The following LOC400499 variants were observed in gnomAD, a reference collection of about 807,000 sequenced individuals.
At chr16:11,386,838 ATCTGGAGGGCTGCCG>A in the LOC400499 span, among the ~76,000 whole-genome samples, 5 of 152,198 alleles carry the variant, frequency 3.3e-5, no homozygotes, top group Non-Finnish European at 7.3e-5. Context: ...TTCCAGCTGG[ATCTGGAGGGCTGCCG>A]TCTTCTCCAG....
At chr16:11,462,027 G>T in the LOC400499 span, 1 of 1,141,974 alleles carries the variant, frequency 8.8e-7, no homozygotes, top group Non-Finnish European at 1.2e-6. Context: ...AAGAGAAGCT[G>T]CAGTGATGAG....
At chr16:11,446,584 G>A in the LOC400499 span, 59 of 1,536,118 alleles carry the variant, frequency 3.8e-5, no homozygotes, top group South Asian at 2.6e-4. Context: ...GCACCCCTCT[G>A]TGTTCCTGGG....
At chr16:11,424,416 G>A in the LOC400499 span, 1 of 399,030 alleles carries the variant, frequency 2.5e-6, no homozygotes, top group African/African-American at 2.1e-5. Flanking sequence ...ACCGCATTTA[G>A]TCAGGATGGG....
At chr16:11,488,230 T>C in the LOC400499 span, among the ~76,000 whole-genome samples, 6 of 152,154 alleles carry the variant, frequency 3.9e-5, no homozygotes, top group African/African-American at 1.4e-4. Flanking sequence ...ATGGTAGTGA[T>C]AGACAATTTC....
the LOC400499 span, among the ~76,000 whole-genome samples, chr16:11,444,773 T>C: frequency 6.6e-6 from 1 of 152,166 alleles, no homozygotes; most frequent in Non-Finnish European, 1.5e-5. Context: ...AGCCAGGGAT[T>C]GATGGATCAC....
chr16:11,454,416 C>A, the LOC400499 span, among the ~76,000 whole-genome samples: 2 of 152,120 alleles, frequency 1.3e-5, no homozygotes, highest in Admixed American at 6.6e-5. Context: ...TGAGGTCATA[C>A]GAGAATAGGA....
the LOC400499 span, among the ~76,000 whole-genome samples, chr16:11,432,927 C>T: frequency 4.5e-4 from 69 of 152,322 alleles, no homozygotes; most frequent in African/African-American, 1.7e-3. Flanking sequence ...ACTGAAACTA[C>T]TTTGAGCAGC....
chr16:11,428,469 C>T, the LOC400499 span, among the ~76,000 whole-genome samples: 3 of 152,184 alleles, frequency 2.0e-5, no homozygotes, highest in Admixed American at 6.5e-5. Flanking sequence ...CCACCGCGGC[C>T]GGCCCATCCC....
At chr16:11,475,746 C>T in the LOC400499 span, 4 of 398,528 alleles carry the variant, frequency 1.0e-5, no homozygotes, top group Non-Finnish European at 4.4e-6. Flanking sequence ...GTGTCAGACG[C>T]ATCATTTTCA....
At chr16:11,394,294 G>T in the LOC400499 span, among the ~76,000 whole-genome samples, 1 of 152,224 alleles carries the variant, frequency 6.6e-6, no homozygotes, top group Admixed American at 6.5e-5. Flanking sequence ...CTAGAATGGG[G>T]TGGGAAAGAG....
the LOC400499 span, chr16:11,462,386 G>C: frequency 7.2e-7 from 1 of 1,380,754 alleles, no homozygotes; most frequent in African/African-American, 1.5e-5. Flanking sequence ...ACCAGACAGG[G>C]CAGGAGACAA....
the LOC400499 span, among the ~76,000 whole-genome samples, chr16:11,469,950 G>A: frequency 6.6e-6 from 1 of 150,480 alleles, no homozygotes; most frequent in Admixed American, 6.6e-5. Context: ...TGCCCAGGCT[G>A]GAGTGTCAGC....
chr16:11,522,005 G>A, the LOC400499 span: 16 of 399,154 alleles, frequency 4.0e-5, no homozygotes, highest in South Asian at 1.3e-4. Flanking sequence ...AAGCCTTGGA[G>A]GCCAAGACCA....
the LOC400499 span, chr16:11,472,088 T>C: frequency 8.6e-6 from 3 of 348,762 alleles, no homozygotes; most frequent in African/African-American, 2.1e-5. Context: ...CCCCATCCAC[T>C]AGATGCCAGT....
the LOC400499 span, chr16:11,450,627 TGC>T: frequency 6.5e-7 from 1 of 1,535,902 alleles, no homozygotes; most frequent in African/African-American, 1.4e-5. Flanking sequence ...AGGTGGTAGC[TGC>T]GGTGTAAACC....
chr16:11,463,551 C>G, the LOC400499 span, among the ~76,000 whole-genome samples: 1 of 151,842 alleles, frequency 6.6e-6, no homozygotes, highest in African/African-American at 2.4e-5. Context: ...CATGTATGGA[C>G]GTGTGTGTGA....
chr16:11,518,420 G>T, the LOC400499 span, among the ~76,000 whole-genome samples: 27 of 152,218 alleles, frequency 1.8e-4, no homozygotes, highest in African/African-American at 6.3e-4. Context: ...GAGGGGCTTA[G>T]CTTGGGGTGG....
the LOC400499 span, among the ~76,000 whole-genome samples, chr16:11,450,029 C>T: frequency 6.6e-6 from 1 of 152,222 alleles, no homozygotes; most frequent in Admixed American, 6.5e-5. Flanking sequence ...AGATTACCAC[C>T]GCTCTTGACT....
chr16:11,475,748 T>C, the LOC400499 span: 2 of 398,392 alleles, frequency 5.0e-6, no homozygotes, highest in Admixed American at 4.4e-5. Flanking sequence ...GTCAGACGCA[T>C]CATTTTCATT....
Sources: gnomAD v4.1 joint callset for allele counts (sites outside exome capture counted in the v4.1 genomes callset) on GRCh38, gnomAD v4.1.1 for gene constraint, MANE v1.5 for transcripts.